MAPK14: variants seen among roughly 807,000 people sequenced by gnomAD.
MAPK14 encodes the protein CSAID-binding protein.
MAPK14 carries 16 observed loss-of-function variants against 49.6 expected under a neutral mutation model. The ratio of observed to expected loss-of-function variants is 0.32; its 90% CI spans 0.22 to 0.49. The LOEUF (loss-of-function observed/expected upper bound fraction) is 0.49, where lower values mean the gene tolerates loss of function less well. Ranked by LOEUF, MAPK14 falls within the 20% of genes least tolerant of loss-of-function variation. The pLI is 0.99. For missense variants in MAPK14, 200 were observed against 441.2 expected, an observed-to-expected ratio of 0.45 and a Z score of 4.90; for synonymous variants, 142 against 158.0, an observed-to-expected ratio of 0.90 and a Z score of 0.76.
At chr6:36,114,141 T>TC (rs1766020911), downstream of MAPK14, among the ~76,000 whole-genome samples, 1 of 152,188 alleles carries the variant, frequency 6.6e-6, no homozygotes, top group African/African-American at 2.4e-5. Context: ...CATGCTCCCT[T>TC]CCCCCAGTTG....
chr6:36,086,063 T>A (rs1764973029), intron 8 of MAPK14, among the ~76,000 whole-genome samples: 2 of 152,124 alleles, frequency 1.3e-5, no homozygotes, highest in African/African-American at 4.8e-5. Flanking sequence ...GACTCCTGGA[T>A]AAATAATGAA....
downstream of MAPK14, among the ~76,000 whole-genome samples, chr6:36,115,331 G>A (rs79661641): frequency 1.8e-3 from 270 of 152,262 alleles, 2 homozygotes; most frequent in African/African-American, 6.3e-3. Context: ...AAAACCAGTG[G>A]TTCTAAACTC....
chr6:36,060,015 A>T (rs1287488830), intron 3 of MAPK14, among the ~76,000 whole-genome samples: 2 of 151,976 alleles, frequency 1.3e-5, no homozygotes, highest in Non-Finnish European at 2.9e-5. Flanking sequence ...CTTTGTAACC[A>T]CCTCTGTTGT....
chr6:36,069,609 G>A (rs749958121), intron 3 of MAPK14, among the ~76,000 whole-genome samples: 3 of 152,006 alleles, frequency 2.0e-5, no homozygotes, highest in African/African-American at 4.8e-5. Context: ...TCTCACCCTC[G>A]TTCTAAATTT....
At position 36,073,865 on chromosome 6, in the gene MAPK14, AAAG is replaced by A. The variant is rs1764410219; in HGVS notation, c.447+150_447+152del. On this transcript the variant is annotated intron_variant, in intron 5 of 11. Coordinates refer to ENST00000229794, the MANE Select transcript of MAPK14 (RefSeq NM_139012.3). Reference sequence around the variant, plus strand: ...TACTGTAGGTTTAAGCTGATTAAAGAAAGAAGATGTGTAGTTTTTTTCTATGTA... The same window carrying A: ...TACTGTAGGTTTAAGCTGATTAAAGAAAGATGTGTAGTTTTTTTCTATGTA... The A allele has an allele frequency of 4.1e-6, 4 of 965,646 alleles. No individual in the cohort carries two copies. In the Admixed American group the frequency reaches 6.7e-5, roughly 16 times the overall value. The allele number at this position is 965,646 out of a possible 1,614,324, so 59.8% of individuals were successfully genotyped here.
chr6:36,058,653 CTTT>C (rs1763677371), intron 2 of MAPK14, among the ~76,000 whole-genome samples: 1 of 152,038 alleles, frequency 6.6e-6, no homozygotes, highest in African/African-American at 2.4e-5. Flanking sequence ...AATGCCAGCA[CTTT>C]GGGATGCTGA....
chr6:36,087,336 A>C (rs556690885), intron 8 of MAPK14, among the ~76,000 whole-genome samples: 150 of 152,334 alleles, frequency 9.8e-4, no homozygotes, highest in Admixed American at 1.9e-3. Context: ...GGAAGAGAGG[A>C]AGTAAAACTC....
intron 3 of MAPK14, among the ~76,000 whole-genome samples, chr6:36,070,140 GTAAATACAGTA>G (rs1764211431): frequency 6.6e-6 from 1 of 152,202 alleles, no homozygotes; most frequent in South Asian, 2.1e-4. Context: ...AACTTTGATA[GTAAATACAGTA>G]TTGAGAATTA....
chr6:36,102,667 C>A lies in MAPK14; in HGVS notation c.841+18C>A. The A allele has an allele frequency of 6.2e-7, 1 of 1,612,504 alleles. No homozygotes were observed. The highest frequency in any genetic ancestry group is 8.5e-7 in the Non-Finnish European group (1 of 1,178,716). On this transcript the variant is annotated intron_variant, in intron 10 of 11. Coordinates refer to ENST00000229794, the MANE Select transcript of MAPK14 (RefSeq NM_139012.3). The stretch of plus-strand genomic sequence containing the variant: ...TCCCCTGGGTAAGTTGACCATATAT[C>A]CTCACCTCATGGATATTGAATTGGT...
chr6:36,055,269 A>G (rs1318245862), intron 2 of MAPK14, among the ~76,000 whole-genome samples: 2 of 152,250 alleles, frequency 1.3e-5, no homozygotes, highest in African/African-American at 4.8e-5. Flanking sequence ...TTTAGAATTT[A>G]AAAATGATCA....
downstream of MAPK14, among the ~76,000 whole-genome samples, chr6:36,113,680 A>G (rs1440915014): frequency 6.6e-6 from 1 of 152,114 alleles, no homozygotes; most frequent in Non-Finnish European, 1.5e-5. Context: ...TTTTTATGCT[A>G]TTTCTGTAAT....
At chr6:36,114,109 A>G (rs1306871215), downstream of MAPK14, among the ~76,000 whole-genome samples, 2 of 152,180 alleles carry the variant, frequency 1.3e-5, no homozygotes, top group Non-Finnish European at 2.9e-5. Flanking sequence ...CCTGGCCTCT[A>G]CCCACTAATG....
chr6:36,039,015 A>C lies in MAPK14; in HGVS notation c.116+10742A>C, dbSNP rs530264406. Among the ~76,000 whole-genome samples, 32 of 152,170 alleles carry C rather than the reference A, an allele frequency of 2.1e-4. No individual in the cohort carries two copies. In the South Asian group the frequency reaches 6.2e-3, roughly 30 times the overall value. On this transcript the variant is annotated intron_variant, in intron 1 of 11. Coordinates refer to ENST00000229794, the MANE Select transcript of MAPK14 (RefSeq NM_139012.3). ...ATTCCTCTGCCTTTTCCCCATTATA[A>C]TACTTTTAGTAGAGGTTAGACCATT... is the stretch of plus-strand genomic sequence containing the variant.
At chr6:36,034,897 CTTTT>C (rs200316205) in intron 1 of MAPK14, among the ~76,000 whole-genome samples, 4 of 121,032 alleles carry the variant, frequency 3.3e-5, no homozygotes, top group Non-Finnish European at 3.3e-5. Context: ...TTCTTTCTTT[CTTTT>C]TTTTTTTTTT....
chr6:36,049,751 T>C (rs994841567), intron 1 of MAPK14, among the ~76,000 whole-genome samples: 1 of 152,122 alleles, frequency 6.6e-6, no homozygotes, highest in Non-Finnish European at 1.5e-5. Flanking sequence ...GAGACACTGA[T>C]GATGCAAGAG....
chr6:36,057,131 A>G (rs1248926065), intron 2 of MAPK14, among the ~76,000 whole-genome samples: 3 of 152,184 alleles, frequency 2.0e-5, no homozygotes, highest in Admixed American at 6.5e-5. Flanking sequence ...CTTGAAATTT[A>G]TTTCCTGGAA....
chr6:36,036,962 A>G lies in MAPK14; in HGVS notation c.116+8689A>G, dbSNP rs538893708. On this transcript the variant is annotated intron_variant, in intron 1 of 11. Transcript: ENST00000229794. Reference sequence around the variant, plus strand: ...CACCATGTTGGCTAGGCTGGTCTCAAACTCTTGACCTCAAGCGATCCTCCT... The same window carrying G: ...CACCATGTTGGCTAGGCTGGTCTCAGACTCTTGACCTCAAGCGATCCTCCT... Among the ~76,000 whole-genome samples the G allele has an allele frequency of 2.0e-4, 31 of 152,206 alleles. No individual in the cohort carries two copies. In the East Asian group the frequency reaches 5.4e-3, roughly 27 times the overall value.
intron 1 of MAPK14, among the ~76,000 whole-genome samples, chr6:36,033,787 C>T (rs889482955): frequency 6.6e-6 from 1 of 152,134 alleles, no homozygotes; most frequent in African/African-American, 2.4e-5. Context: ...ATTGCTGAGC[C>T]CCTGGGGCCT....
chr6:36,078,425 A>G (rs1390298204), intron 8 of MAPK14, among the ~76,000 whole-genome samples: 1 of 152,222 alleles, frequency 6.6e-6, no homozygotes. Context: ...ATAGGTAGGA[A>G]AGGATGGAAC....
Sources: allele counts gnomAD v4.1 joint callset (sites outside exome capture counted in the v4.1 genomes callset), GRCh38; gene constraint gnomAD v4.1.1; transcripts MANE v1.5; gene names NCBI Gene and HGNC (gene_info 2026-07-23, HGNC 2026-07-21).